Variants in OOSP4B observed in about 807,000 individuals in gnomAD.
OOSP4B encodes the protein oocyte-secreted protein 4B.
intron 3 of OOSP4B, among the ~76,000 whole-genome samples, chr11:60,029,153 C>T (rs746312290): frequency 4.6e-5 from 7 of 152,194 alleles, no homozygotes; most frequent in African/African-American, 7.2e-5. Flanking sequence ...CCTCCCTTTA[C>T]ACATGTACTC....
In OOSP4B at chr11:60,025,021, T is replaced by C. The variant is rs1854733263; in HGVS notation, c.302+16T>C. On this transcript the variant is annotated intron_variant, in intron 3 of 4. Transcript: ENST00000642343. ...TTGTGAAGAGGTATGAGTAGCTACTTCTCTTACACATTCTTAAATTTATTA... is the reference window on the plus strand; with the variant it reads ...TTGTGAAGAGGTATGAGTAGCTACTCCTCTTACACATTCTTAAATTTATTA... The C allele has an allele frequency of 2.5e-6, 1 of 398,268 alleles. No individual in the cohort carries two copies. Among genetic ancestry groups the C allele is most frequent in the East Asian group, 3.6e-5 (1 of 27,984 alleles). 24.7% of individuals were successfully genotyped at this position (398,268 alleles called of 1,614,324 possible).
rs560285775 is a variant in OOSP4B at position 60,024,972 on chromosome 11, C to G, written c.269C>G (p.Thr90Ser). The change falls in exon 3 of 5, where the codon ACC becomes AGC. Residue 90 changes from threonine to serine, a missense_variant. By Grantham distance (58) the Thr-to-Ser change is moderately conservative. Coordinates refer to ENST00000642343, the Ensembl canonical transcript of OOSP4B. ...AGTTACAAACCAAGGTTGCATACTA[C>G]CTATGAATTTCCAGTGGTTTGCTTT... 401 of 398,282 alleles carry G rather than the reference C, an allele frequency of 1.0e-3. 1 individual carries two copies. The highest frequency in any genetic ancestry group is 1.6e-3 in the Non-Finnish European group (356 of 225,940). 24.7% of individuals were successfully genotyped at this position (398,282 alleles called of 1,614,324 possible). A position where few individuals can be genotyped will look rare whatever the true frequency, so the allele number is the denominator to read the frequency against.
chr11:60,029,267 G>A (rs976762167), intron 3 of OOSP4B, among the ~76,000 whole-genome samples: 9 of 152,126 alleles, frequency 5.9e-5, no homozygotes, highest in Non-Finnish European at 1.0e-4. Flanking sequence ...GCAGCAGTGG[G>A]AATAAACACT....
At chr11:60,017,949 T>G (rs1434682592) in intron 1 of OOSP4B, among the ~76,000 whole-genome samples, 1 of 152,220 alleles carries the variant, frequency 6.6e-6, no homozygotes, top group Non-Finnish European at 1.5e-5. Flanking sequence ...GGGAAACAGT[T>G]GAGCCCCAGC....
chr11:60,025,050 G>T (rs1159990046), intron 3 of OOSP4B, 45 bp downstream of exon 3: 9 of 397,680 alleles, frequency 2.3e-5, no homozygotes, highest in East Asian at 1.4e-4. Context: ...TTTATTATTT[G>T]GTTGATAGAT....
At chr11:60,028,720 G>A (rs1189204896) in intron 3 of OOSP4B, among the ~76,000 whole-genome samples, 1 of 152,114 alleles carries the variant, frequency 6.6e-6, no homozygotes, top group South Asian at 2.1e-4. Context: ...GTGTTTGCTG[G>A]GATAGAGTAA....
intron 3 of OOSP4B, among the ~76,000 whole-genome samples, chr11:60,029,355 G>T (rs929251031): frequency 6.6e-6 from 1 of 152,136 alleles, no homozygotes; most frequent in African/African-American, 2.4e-5. Flanking sequence ...TTGGAATGGG[G>T]TGTGTCTATG....
At chr11:60,022,508 TG>T (rs971622148) in intron 1 of OOSP4B, among the ~76,000 whole-genome samples, 4 of 152,220 alleles carry the variant, frequency 2.6e-5, no homozygotes, top group African/African-American at 9.7e-5. Context: ...TTCTTCTAGC[TG>T]TCCCAAAAAG....
chr11:60,021,322 A>G (rs1298273506), intron 1 of OOSP4B: 1 of 152,216 alleles, frequency 6.6e-6, no homozygotes, highest in Non-Finnish European at 1.5e-5. Context: ...TTTGATTAGT[A>G]AGGCTATAAA....
At chr11:60,025,313 A>T (rs1854737414) in intron 3 of OOSP4B, among the ~76,000 whole-genome samples, 1 of 152,214 alleles carries the variant, frequency 6.6e-6, no homozygotes, top group South Asian at 2.1e-4. Context: ...ATCATGAATC[A>T]AGGATCAATA....
intron 2 of OOSP4B, 86 bp from the exon 3 acceptor site, chr11:60,024,822 A>G (rs745852223): frequency 1.7e-4 from 67 of 396,648 alleles, no homozygotes; most frequent in Non-Finnish European, 2.0e-4. Context: ...CCATTTCCGG[A>G]TTTTCCTAAA....
exon 2 of OOSP4B, chr11:60,024,002 CTGT>C (rs1590593330): frequency 5.0e-6 from 2 of 398,552 alleles, no homozygotes; most frequent in Non-Finnish European, 8.8e-6. Context: ...TGTAACAAGA[CTGT>C]TGTCATTTAA....
intron 3 of OOSP4B, among the ~76,000 whole-genome samples, chr11:60,025,243 T>G (rs1411771272): frequency 6.6e-6 from 1 of 152,198 alleles, no homozygotes; most frequent in African/African-American, 2.4e-5. Context: ...ATCTATCAAT[T>G]TTGATGCACT....
chr11:60,020,314 C>T (rs1035528781), intron 1 of OOSP4B, among the ~76,000 whole-genome samples: 4 of 152,124 alleles, frequency 2.6e-5, no homozygotes, highest in Admixed American at 6.5e-5. Context: ...AGGGGGCCCC[C>T]GCTTGTTGGG....
At chr11:60,030,223 A>G (rs913433725) in intron 4 of OOSP4B, among the ~76,000 whole-genome samples, 7 of 152,186 alleles carry the variant, frequency 4.6e-5, no homozygotes, top group Non-Finnish European at 8.8e-5. Flanking sequence ...GTTGTCATAG[A>G]AGGCCCATAC....
exon 5 of OOSP4B, chr11:60,030,943 AG>A (rs1854801890): frequency 2.5e-6 from 1 of 396,788 alleles, no homozygotes; most frequent in Admixed American, 4.4e-5. Flanking sequence ...AAAGATGAGT[AG>A]CAACATCTGT....
chr11:60,025,241 A>T (rs1033827734), intron 3 of OOSP4B, among the ~76,000 whole-genome samples: 1 of 152,160 alleles, frequency 6.6e-6, no homozygotes, highest in Non-Finnish European at 1.5e-5. Flanking sequence ...CCATCTATCA[A>T]TTTTGATGCA....
intron 1 of OOSP4B, among the ~76,000 whole-genome samples, chr11:60,021,163 CCT>C (rs1854687404): frequency 6.6e-6 from 1 of 152,108 alleles, no homozygotes; most frequent in Non-Finnish European, 1.5e-5. Context: ...AATGTTGGTA[CCT>C]CTTAGACCAG....
intron 1 of OOSP4B, among the ~76,000 whole-genome samples, chr11:60,017,841 C>T (rs2134620409): frequency 6.6e-6 from 1 of 152,158 alleles, no homozygotes; most frequent in Admixed American, 6.5e-5. Flanking sequence ...GCTCTCTTGG[C>T]CTATCCATGG....
Sources: gnomAD v4.1 joint callset for allele counts (sites outside exome capture counted in the v4.1 genomes callset) on GRCh38, gnomAD v4.1.1 for gene constraint, MANE v1.5 for transcripts, NCBI Gene and HGNC (gene_info 2026-07-23, HGNC 2026-07-21) for gene names.